The following ADAMTSL3 variants were observed in gnomAD, a reference collection of about 807,000 sequenced individuals.
The protein encoded by ADAMTSL3 is ADAMTS like 3.
In ADAMTSL3, 128 loss-of-function variants were observed where a neutral mutation model predicts 201.7. The ratio of observed to expected loss-of-function variants is 0.63; its 90% confidence interval spans 0.55 to 0.73. The LOEUF (loss-of-function observed/expected upper bound fraction) is 0.73, where lower values mean the gene tolerates loss of function less well. ADAMTSL3 is among the 30% of genes least tolerant of loss of function. ADAMTSL3 has a pLI of 0.00. For missense variants in ADAMTSL3, 1,990 were observed against 2,119.6 expected, an observed-to-expected ratio of 0.94 and a Z score of 1.20; for synonymous variants, 738 against 748.4, an observed-to-expected ratio of 0.99 and a Z score of 0.23.
chr15:83,816,511 T>A (rs763083704), intron 5 of ADAMTSL3, among the ~76,000 whole-genome samples: 2 of 152,190 alleles, frequency 1.3e-5, no homozygotes, highest in African/African-American at 2.4e-5. Flanking sequence ...GCACATTCAG[T>A]CCCTAGAGAA....
At position 84,037,002 on chromosome 15, in the gene ADAMTSL3, C is replaced by G. The variant is rs2068523553; in HGVS notation, c.4969+15C>G. ...CTCCTGTGATAGTACGTACACCTCC[C>G]AGGTATCTCCACTGCCCCAGAGGCC... On this transcript the variant is annotated intron_variant, in intron 29 of 29. Coordinates refer to ENST00000286744, the MANE Select transcript of ADAMTSL3 (RefSeq NM_207517.3). 5 of 1,612,204 alleles carry G rather than the reference C, an allele frequency of 3.1e-6. No homozygotes were observed. The highest frequency in any genetic ancestry group is 4.2e-6 in the Non-Finnish European group (5 of 1,178,872).
rs1425482896 is a variant in ADAMTSL3, at chr15:84,039,666, T to A, written c.*1860T>A. 6.5e-6 allele frequency: 1 copy of A among 152,674 alleles called. No individual in the cohort carries two copies. The highest frequency in any genetic ancestry group is 2.4e-5 in the African/African-American group (1 of 41,464). The allele number at this position is 152,674 out of a possible 1,614,324, so 9.5% of individuals were successfully genotyped here. On this transcript the variant is annotated 3_prime_UTR_variant, in exon 30 of 30. Coordinates refer to ENST00000286744, the MANE Select transcript of ADAMTSL3 (RefSeq NM_207517.3). ...AAATTGCTTCACTTTGTATTTAAAG[T>A]TAAAAGTTACTATTTTTCATTTGCT...
At chr15:83,819,219 C>T (rs538874308) in intron 5 of ADAMTSL3, among the ~76,000 whole-genome samples, 11 of 146,162 alleles carry the variant, frequency 7.5e-5, no homozygotes, top group African/African-American at 2.3e-4. Flanking sequence ...TGCAGTGAGC[C>T]GAGCCACTGC....
intron 19 of ADAMTSL3, among the ~76,000 whole-genome samples, chr15:83,967,628 A>G (rs1287844368): frequency 6.6e-6 from 1 of 152,248 alleles, no homozygotes; most frequent in African/African-American, 2.4e-5. Context: ...TATAGATTCA[A>G]TGGTATCTCC....
At chr15:83,671,050 T>A (rs1298004819) in intron 2 of ADAMTSL3, among the ~76,000 whole-genome samples, 1 of 152,226 alleles carries the variant, frequency 6.6e-6, no homozygotes, top group African/African-American at 2.4e-5. Context: ...ATATTGTTTT[T>A]TTTAATATTC....
intron 6 of ADAMTSL3, among the ~76,000 whole-genome samples, chr15:83,831,725 G>C (rs550882906): frequency 1.3e-5 from 2 of 152,148 alleles, no homozygotes; most frequent in Admixed American, 6.5e-5. Flanking sequence ...ATCCTTCCCA[G>C]TTGCAGCCCA....
intron 3 of ADAMTSL3, among the ~76,000 whole-genome samples, chr15:83,752,431 A>G (rs2062651717): frequency 6.6e-6 from 1 of 152,208 alleles, no homozygotes; most frequent in African/African-American, 2.4e-5. Flanking sequence ...GATTAATTTA[A>G]TGTGTAGTTC....
intron 29 of ADAMTSL3, among the ~76,000 whole-genome samples, chr15:84,037,289 A>T (rs2068529961): frequency 6.6e-6 from 1 of 152,202 alleles, no homozygotes. Context: ...TGGTAGTCTT[A>T]CGTGCTAAGA....
chr15:83,819,058 G>A (rs558592216), intron 5 of ADAMTSL3, among the ~76,000 whole-genome samples: 1 of 152,152 alleles, frequency 6.6e-6, no homozygotes, highest in South Asian at 2.1e-4. Flanking sequence ...GGATCATGAG[G>A]TGGGAGAGCC....
At chr15:83,695,983 C>T (rs569469841) in intron 2 of ADAMTSL3, among the ~76,000 whole-genome samples, 19 of 152,258 alleles carry the variant, frequency 1.2e-4, no homozygotes, top group African/African-American at 4.6e-4. Flanking sequence ...TTGACTTTCC[C>T]TCATGGGCCT....
intron 4 of ADAMTSL3, among the ~76,000 whole-genome samples, chr15:83,801,393 A>G (rs1052183030): frequency 6.6e-6 from 1 of 151,786 alleles, no homozygotes; most frequent in African/African-American, 2.4e-5. Context: ...GTGAGGAGAC[A>G]AGGGGTACAA....
intron 19 of ADAMTSL3, among the ~76,000 whole-genome samples, chr15:83,946,612 C>T (rs2066659607): frequency 6.6e-6 from 1 of 152,222 alleles, no homozygotes; most frequent in Non-Finnish European, 1.5e-5. Context: ...TATTCCTCAA[C>T]AGTCTTTGCA....
intron 15 of ADAMTSL3, among the ~76,000 whole-genome samples, chr15:83,901,444 C>T (rs2065721547): frequency 6.6e-6 from 1 of 152,028 alleles, no homozygotes. Context: ...AAAGAAAAGC[C>T]TACTTTGATT....
intron 2 of ADAMTSL3, among the ~76,000 whole-genome samples, chr15:83,667,520 T>G (rs1439616099): frequency 6.8e-6 from 1 of 147,640 alleles, no homozygotes; most frequent in East Asian, 2.0e-4. Context: ...TATGAAGGTT[T>G]TTTTTTTTTT....
Position 83,783,954 on chromosome 15 carries a change from G to C in ADAMTSL3, c.317+10304G>C, listed in dbSNP as rs2063219123. On this transcript the variant is annotated intron_variant, in intron 4 of 29. Transcript: ENST00000286744. ...CTTGCAAATTCAGTTATGGCTGCCTGTGGGAAAAATACCCTTCTTCTGCCT... is the reference window on the plus strand; with the variant it reads ...CTTGCAAATTCAGTTATGGCTGCCTCTGGGAAAAATACCCTTCTTCTGCCT... Among the ~76,000 whole-genome samples, 3 of 152,054 alleles carry C rather than the reference G, an allele frequency of 2.0e-5. No homozygotes were observed. In the South Asian group the frequency reaches 6.2e-4, roughly 32 times the overall value.
intron 5 of ADAMTSL3, among the ~76,000 whole-genome samples, chr15:83,808,674 C>T (rs530766488): frequency 6.6e-6 from 1 of 152,188 alleles, no homozygotes; most frequent in Non-Finnish European, 1.5e-5. Flanking sequence ...GACATCCTCA[C>T]TCACGTGTTT....
At chr15:83,825,959 T>G (rs2064013566) in intron 6 of ADAMTSL3, among the ~76,000 whole-genome samples, 1 of 152,188 alleles carries the variant, frequency 6.6e-6, no homozygotes, top group Non-Finnish European at 1.5e-5. Flanking sequence ...GGCTTGTCTT[T>G]AGAAAGGTCA....
chr15:83,690,410 A>G (rs2061595101), intron 2 of ADAMTSL3, among the ~76,000 whole-genome samples: 1 of 152,038 alleles, frequency 6.6e-6, no homozygotes, highest in East Asian at 1.9e-4. Flanking sequence ...CCGTTCATGC[A>G]ACTTGGACTG....
At chr15:83,874,453 G>A (rs2065140180) in intron 9 of ADAMTSL3, among the ~76,000 whole-genome samples, 1 of 144,424 alleles carries the variant, frequency 6.9e-6, no homozygotes, top group Non-Finnish European at 1.5e-5. Flanking sequence ...AGAAAATTTA[G>A]TGTACTCCTG....
Sources: allele counts gnomAD v4.1 joint callset (sites outside exome capture counted in the v4.1 genomes callset), GRCh38; gene constraint gnomAD v4.1.1; transcripts MANE v1.5; gene names NCBI Gene and HGNC (gene_info 2026-07-23, HGNC 2026-07-21).